RNF144B: variants seen among roughly 807,000 people sequenced by gnomAD.
RNF144B encodes E3 ubiquitin-protein ligase RNF144B.
A neutral mutation model predicts 40.2 loss-of-function variants in RNF144B; 25 were observed. The observed-to-expected ratio is 0.62, with a 90% CI of 0.45 to 0.87. The LOEUF is 0.87. Ranked by LOEUF, RNF144B falls within the 40% of genes least tolerant of loss-of-function variation. RNF144B has a pLI of 0.00. For missense variants in RNF144B, 365 were observed against 373.7 expected, an observed-to-expected ratio of 0.98 and a Z score of 0.19; for synonymous variants, 145 against 136.3, an observed-to-expected ratio of 1.06 and a Z score of -0.44.
intron 4 of RNF144B, among the ~76,000 whole-genome samples, chr6:18,455,926 T>C (rs1042581072): frequency 6.6e-6 from 1 of 152,080 alleles, no homozygotes; most frequent in Non-Finnish European, 1.5e-5. Flanking sequence ...TTGTTTTTTT[T>C]GTTTTGTTTT....
Position 18,405,150 on chromosome 6 carries a change from T to TTTA in RNF144B, c.165+5475_165+5477dup, listed in dbSNP as rs71536790. On this transcript the variant is annotated intron_variant, in intron 2 of 7. Transcript: ENST00000259939. The surrounding 1 kb of genome is among the most constrained non-coding windows in gnomAD (Gnocchi z 4.5). ...CTTGCTTGCAAGGTTAGTTTTTTTC[T>TTTA]TTATTATTATTATTATTATTATTAT... Among the ~76,000 whole-genome samples the TTTA allele has an allele frequency of 0.17, 25,200 of 146,102 alleles. 2,453 individuals carry two copies. The highest frequency in any genetic ancestry group is 0.41 in the East Asian group (2,059 of 5,026).
chr6:18,463,592 A>G (rs574505), intron 7 of RNF144B, among the ~76,000 whole-genome samples: 148,921 of 152,338 alleles, frequency 0.98, 72,890 homozygotes, highest in East Asian at 1. Flanking sequence ...AAGCGGAGAA[A>G]CAGGGGCACC....
chr6:18,437,641 G>A (rs919514027), intron 3 of RNF144B, among the ~76,000 whole-genome samples: 2 of 152,110 alleles, frequency 1.3e-5, no homozygotes, highest in African/African-American at 4.8e-5. Context: ...TGACTTAAAT[G>A]AGAAATCCAA....
intron 2 of RNF144B, among the ~76,000 whole-genome samples, chr6:18,408,511 A>C (rs139198978): frequency 0.016 from 2,439 of 152,336 alleles, 74 homozygotes; most frequent in African/African-American, 0.056. Flanking sequence ...TTGGATGGAA[A>C]CATGACTGTA....
chr6:18,438,119 C>A (rs1398527398), intron 3 of RNF144B, among the ~76,000 whole-genome samples: 1 of 152,174 alleles, frequency 6.6e-6, no homozygotes, highest in Non-Finnish European at 1.5e-5. Flanking sequence ...TTTGTTTGTC[C>A]TCCACCCATG....
At chr6:18,430,899 A>G (rs1238216779) in intron 3 of RNF144B, among the ~76,000 whole-genome samples, 1 of 152,002 alleles carries the variant, frequency 6.6e-6, no homozygotes, top group Non-Finnish European at 1.5e-5. Context: ...CTATAAAAGC[A>G]TTTTACTTTT....
intron 2 of RNF144B, among the ~76,000 whole-genome samples, chr6:18,417,246 A>G (rs1795161799): frequency 6.6e-6 from 1 of 152,178 alleles, no homozygotes. Flanking sequence ...ATTCCTATGG[A>G]AATTTGAGCA....
chr6:18,427,469 CAA>C, intron 2 of RNF144B, 110 bp from the exon 3 acceptor site: 1 of 631,886 alleles, frequency 1.6e-6, no homozygotes. Flanking sequence ...TTCTTGAGTA[CAA>C]GAGCCTCAGG....
rs1453810233 is a variant in RNF144B, at chr6:18,447,966, G to A, written c.331+8222G>A. 2.0e-5 allele frequency among the ~76,000 whole-genome samples: 3 copies of A among 152,096 alleles called. No homozygotes were observed. The highest frequency in any genetic ancestry group is 4.4e-5 in the Non-Finnish European group (3 of 68,014). On this transcript the variant is annotated intron_variant, in intron 4 of 7. Transcript: ENST00000259939. The surrounding 1 kb of genome is among the most constrained non-coding windows in gnomAD (Gnocchi z 5.6). ...AAGGAGGAGAGTGTCCACTGGGTCC[G>A]AAGCTACTGACAGATGAGGAGAGAT...
At chr6:18,445,583 A>C (rs1759063772) in intron 4 of RNF144B, among the ~76,000 whole-genome samples, 1 of 152,170 alleles carries the variant, frequency 6.6e-6, no homozygotes, top group Non-Finnish European at 1.5e-5. Flanking sequence ...TAAGTCTTTG[A>C]ATTTGTCTAT....
chr6:18,440,869 TG>T (rs1758947597), intron 4 of RNF144B, among the ~76,000 whole-genome samples: 1 of 148,568 alleles, frequency 6.7e-6, no homozygotes, highest in South Asian at 2.2e-4. Context: ...CTCATAAGGC[TG>T]ATATATTAAG....
chr6:18,424,554 A>G (rs1758505467), intron 2 of RNF144B, among the ~76,000 whole-genome samples: 1 of 152,212 alleles, frequency 6.6e-6, no homozygotes, highest in Non-Finnish European at 1.5e-5. Context: ...GAGAGTGCTT[A>G]TAGGAAGTTT....
At position 18,422,084 on chromosome 6, in the gene RNF144B, A is replaced by G. The variant is rs544039573; in HGVS notation, c.166-5497A>G. On this transcript the variant is annotated intron_variant, in intron 2 of 7. Transcript: ENST00000259939. This position sits in a 1 kb window ranked among gnomAD's most constrained non-coding sequence, Gnocchi z 4.7. ...ATCTGAAAGGGGTTTTGTAAGAAAA[A>G]TTTTAGGATCGGACTATACCAGGAA... is the stretch of plus-strand genomic sequence containing the variant. Among the ~76,000 whole-genome samples, 55 of 152,282 alleles carry G rather than the reference A, an allele frequency of 3.6e-4. No homozygotes were observed. Among genetic ancestry groups the G allele is most frequent in the Non-Finnish European group, 7.6e-4 (52 of 68,026 alleles).
In RNF144B at chr6:18,444,017, A is replaced by G. The variant is rs1048277531; in HGVS notation, c.331+4273A>G. On this transcript the variant is annotated intron_variant, in intron 4 of 7. Coordinates refer to ENST00000259939, the MANE Select transcript of RNF144B (RefSeq NM_182757.4). This position sits in a 1 kb window ranked among gnomAD's most constrained non-coding sequence, Gnocchi z 4.3. ...CAGTACTATTTCTTAGTTATAAAAA[A>G]TCATCCTTAGTTTTTTCCAATTCTT... is the stretch of plus-strand genomic sequence containing the variant. 1.3e-5 allele frequency among the ~76,000 whole-genome samples: 2 copies of G among 152,188 alleles called. No individual in the cohort carries two copies. The highest frequency in any genetic ancestry group is 4.8e-5 in the African/African-American group (2 of 41,444).
rs1185836741 is a variant in RNF144B at position 18,467,395 on chromosome 6, C to CTTTTTTTT, written c.*2332_*2333insTTTTTTTT. On this transcript the variant is annotated 3_prime_UTR_variant, in exon 8 of 8. Coordinates refer to ENST00000259939, the MANE Select transcript of RNF144B (RefSeq NM_182757.4). Reference sequence around the variant, plus strand: ...AGAGTTTGTATCACTGAATTAGCTGCTTTTGTTTTTTTTTTTTTTTTTTTG... The same window carrying CTTTTTTTT: ...AGAGTTTGTATCACTGAATTAGCTGCTTTTTTTTTTTTGTTTTTTTTTTTTTTTTTTTG... The CTTTTTTTT allele has an allele frequency of 2.1e-4, 6 of 29,210 alleles. 1 individual carries two copies. The highest frequency in any genetic ancestry group is 8.0e-4 in the South Asian group (1 of 1,248). 1.8% of individuals were successfully genotyped at this position (29,210 alleles called of 1,614,324 possible).
At position 18,459,153 on chromosome 6, in the gene RNF144B, G is replaced by A. The variant is rs751732467; in HGVS notation, c.537-454G>A. ...GCTGTGAGCCTGTATTGGTCTATTC[G>A]TCTGTTTGGAGAAGGTCTTTTGAAA... On this transcript the variant is annotated intron_variant, in intron 5 of 7. Coordinates refer to ENST00000259939, the MANE Select transcript of RNF144B (RefSeq NM_182757.4). The surrounding 1 kb of genome is among the most constrained non-coding windows in gnomAD (Gnocchi z 4.2). Among the ~76,000 whole-genome samples, 4 of 152,110 alleles carry A rather than the reference G, an allele frequency of 2.6e-5. No homozygotes were observed. Among genetic ancestry groups the A allele is most frequent in the East Asian group, 3.8e-4 (2 of 5,196 alleles).
chr6:18,413,629 G>T (rs888728653), intron 2 of RNF144B, among the ~76,000 whole-genome samples: 1 of 152,208 alleles, frequency 6.6e-6, no homozygotes, highest in Non-Finnish European at 1.5e-5. Context: ...TCAAGGCCAG[G>T]CATTCTGCCT....
At chr6:18,413,817 A>G (rs1795094283) in intron 2 of RNF144B, among the ~76,000 whole-genome samples, 1 of 152,238 alleles carries the variant, frequency 6.6e-6, no homozygotes, top group Non-Finnish European at 1.5e-5. Flanking sequence ...AAAATATTAT[A>G]GCTTAACATC....
In RNF144B at chr6:18,400,664, C is replaced by T. The variant is rs577603511; in HGVS notation, c.165+965C>T. 3.3e-5 allele frequency among the ~76,000 whole-genome samples: 5 copies of T among 152,272 alleles called. No homozygotes were observed. Among genetic ancestry groups the T allele is most frequent in the African/African-American group, 1.2e-4 (5 of 41,558 alleles). On this transcript the variant is annotated intron_variant, in intron 2 of 7. Transcript: ENST00000259939. This position sits in a 1 kb window ranked among gnomAD's most constrained non-coding sequence, Gnocchi z 5.6. ...AGGCTTCAGTGATGACACAGAATAG[C>T]ATTGTTCATTTAATCAACAAATATC... is the stretch of plus-strand genomic sequence containing the variant.
Sources: gnomAD v4.1 joint callset for allele counts (sites outside exome capture counted in the v4.1 genomes callset) on GRCh38, gnomAD v4.1.1 for gene constraint, Gnocchi (gnomAD v3.1) non-coding constraint, MANE v1.5 for transcripts, NCBI Gene and HGNC (gene_info 2026-07-23, HGNC 2026-07-21) for gene names.